RIT2: variants seen among roughly 807,000 people sequenced by gnomAD.
The protein encoded by RIT2 is GTP-binding protein Rit2.
In RIT2, 24 loss-of-function variants were observed where a neutral mutation model predicts 23.7. The observed-to-expected ratio is 1.01, with a 90% CI of 0.73 to 1.43. RIT2 has a LOEUF of 1.43. Ranked by LOEUF, RIT2 falls within the 40% of genes most tolerant of loss-of-function variation. RIT2 has a pLI of 0.00. For missense variants in RIT2, 236 were observed against 266.9 expected, an observed-to-expected ratio of 0.88 and a Z score of 0.81; for synonymous variants, 107 against 91.1, an observed-to-expected ratio of 1.17 and a Z score of -0.99.
chr18:43,041,117 T>C (rs1326124415), intron 1 of RIT2, among the ~76,000 whole-genome samples: 2 of 152,138 alleles, frequency 1.3e-5, no homozygotes, highest in African/African-American at 4.8e-5. Context: ...TATGTGGTCA[T>C]CATAAAAATA....
At chr18:42,987,679 T>G (rs1404420636) in intron 2 of RIT2, among the ~76,000 whole-genome samples, 1 of 152,206 alleles carries the variant, frequency 6.6e-6, no homozygotes, top group Non-Finnish European at 1.5e-5. Flanking sequence ...TTTGTGTCGC[T>G]ATAAAATAAT....
intron 4 of RIT2, among the ~76,000 whole-genome samples, chr18:42,913,166 A>G (rs547076929): frequency 6.6e-6 from 1 of 150,908 alleles, no homozygotes; most frequent in East Asian, 2.0e-4. Context: ...TCTTCAATAA[A>G]TGATGCTGGA....
At chr18:43,025,045 T>C (rs1271910638) in intron 2 of RIT2, among the ~76,000 whole-genome samples, 1 of 151,526 alleles carries the variant, frequency 6.6e-6, no homozygotes, top group African/African-American at 2.4e-5. Flanking sequence ...TCATCTCCAC[T>C]AAAAATACAA....
intron 1 of RIT2, among the ~76,000 whole-genome samples, chr18:43,104,004 C>T (rs1246775462): frequency 7.9e-5 from 12 of 152,030 alleles, no homozygotes; most frequent in African/African-American, 2.4e-4. Context: ...TGCACCACTA[C>T]GCACAGTAAC....
intron 1 of RIT2, among the ~76,000 whole-genome samples, chr18:43,060,553 C>T (rs1912620419): frequency 6.6e-6 from 1 of 152,046 alleles, no homozygotes; most frequent in African/African-American, 2.4e-5. Flanking sequence ...GGTCTGGTGT[C>T]CATTACCAAG....
At chr18:42,946,334 T>A (rs1344132556) in intron 3 of RIT2, among the ~76,000 whole-genome samples, 1 of 152,062 alleles carries the variant, frequency 6.6e-6, no homozygotes, top group South Asian at 2.1e-4. Context: ...TTTAAAATCA[T>A]GGATGTAGCT....
intron 4 of RIT2, among the ~76,000 whole-genome samples, chr18:42,867,235 T>C (rs1907496116): frequency 6.6e-6 from 1 of 152,130 alleles, no homozygotes; most frequent in Non-Finnish European, 1.5e-5. Context: ...TCATATGTCC[T>C]ATGTCAGTGA....
chr18:43,040,781 A>G (rs1912109392), intron 1 of RIT2, among the ~76,000 whole-genome samples: 1 of 152,140 alleles, frequency 6.6e-6, no homozygotes, highest in Non-Finnish European at 1.5e-5. Context: ...GAAAGGTGGA[A>G]ATGTCAAATG....
intron 1 of RIT2, among the ~76,000 whole-genome samples, chr18:43,080,400 A>G (rs1913129171): frequency 6.6e-6 from 1 of 152,192 alleles, no homozygotes; most frequent in Non-Finnish European, 1.5e-5. Context: ...GCTGTCTCCT[A>G]TTTAATGTTT....
chr18:42,881,162 C>T (rs1907884099), intron 4 of RIT2, among the ~76,000 whole-genome samples: 1 of 152,150 alleles, frequency 6.6e-6, no homozygotes, highest in Non-Finnish European at 1.5e-5. Flanking sequence ...CACTTGTAAA[C>T]TCACTGTTAA....
intron 4 of RIT2, among the ~76,000 whole-genome samples, chr18:42,912,485 CTATTT>C (rs1908795205): frequency 6.6e-6 from 1 of 151,858 alleles, no homozygotes; most frequent in Non-Finnish European, 1.5e-5. Context: ...CTAAAACTCT[CTATTT>C]ACAAATCACA....
intron 1 of RIT2, among the ~76,000 whole-genome samples, chr18:43,097,797 C>T (rs1264522643): frequency 6.6e-6 from 1 of 151,968 alleles, no homozygotes; most frequent in African/African-American, 2.4e-5. Flanking sequence ...GGTAGTTTTC[C>T]AGCCAGGCTC....
At position 42,982,864 on chromosome 18, in the gene RIT2, T is replaced by C. The variant is rs143147425; in HGVS notation, c.161-8717A>G. 9.2e-5 allele frequency among the ~76,000 whole-genome samples: 14 copies of C among 152,216 alleles called. No homozygotes were observed. In the East Asian group the frequency reaches 2.3e-3, roughly 25 times the overall value. Reference sequence around the variant, plus strand: ...AATATTTAAATAAATATTATTTTTATAGATTGGAAGACAGCATAATAAAGA... The same window carrying C: ...AATATTTAAATAAATATTATTTTTACAGATTGGAAGACAGCATAATAAAGA... On this transcript the variant is annotated intron_variant, in intron 2 of 4. Coordinates refer to ENST00000326695, the MANE Select transcript of RIT2 (RefSeq NM_002930.4).
At chr18:42,822,673 G>GT (rs113921402) in intron 4 of RIT2, among the ~76,000 whole-genome samples, 1 of 151,854 alleles carries the variant, frequency 6.6e-6, no homozygotes, top group Non-Finnish European at 1.5e-5. Flanking sequence ...TGTGCATCCT[G>GT]TTTTTTTCTG....
intron 4 of RIT2, among the ~76,000 whole-genome samples, chr18:42,913,525 A>C (rs1908826217): frequency 6.6e-6 from 1 of 151,916 alleles, no homozygotes; most frequent in Non-Finnish European, 1.5e-5. Flanking sequence ...CATAACTTAA[A>C]CTTAAAAAAG....
At chr18:42,992,259 C>A (rs773911470) in intron 2 of RIT2, among the ~76,000 whole-genome samples, 3 of 152,086 alleles carry the variant, frequency 2.0e-5, no homozygotes, top group Admixed American at 6.6e-5. Context: ...GTCACTTGAC[C>A]CCAATACAAA....
At chr18:42,975,010 GT>G (rs1340220361) in intron 2 of RIT2, among the ~76,000 whole-genome samples, 1 of 151,936 alleles carries the variant, frequency 6.6e-6, no homozygotes, top group Admixed American at 6.6e-5. Flanking sequence ...TGGTAATTCT[GT>G]TTTTTTGTTA....
At chr18:43,015,523 T>C (rs553602239) in intron 2 of RIT2, among the ~76,000 whole-genome samples, 5 of 151,796 alleles carry the variant, frequency 3.3e-5, no homozygotes, top group East Asian at 2.0e-4. Context: ...GTATATGAGA[T>C]AGAAATTTTG....
intron 4 of RIT2, among the ~76,000 whole-genome samples, chr18:42,912,608 G>A (rs1183748630): frequency 6.6e-6 from 1 of 151,858 alleles, no homozygotes; most frequent in East Asian, 1.9e-4. Context: ...TACACAAAAT[G>A]CAATTGCATT....
Sources: allele counts gnomAD v4.1 joint callset (sites outside exome capture counted in the v4.1 genomes callset), GRCh38; gene constraint gnomAD v4.1.1; transcripts MANE v1.5; gene names NCBI Gene and HGNC (gene_info 2026-07-23, HGNC 2026-07-21).